TPTE2: variants seen among roughly 807,000 people sequenced by gnomAD.
TPTE2 encodes the protein transmembrane phosphoinositide 3-phosphatase and tensin homolog 2, also known as phosphatidylinositol 3,4,5-trisphosphate 3-phosphatase TPTE2.
In TPTE2, 53 loss-of-function variants were observed where a neutral mutation model predicts 78.6. The ratio of observed to expected loss-of-function variants is 0.67; its 90% confidence interval spans 0.54 to 0.85. The LOEUF (loss-of-function observed/expected upper bound fraction) is 0.85. Among genes scored for constraint, TPTE2 ranks in the 40% least tolerant of loss-of-function variants. The probability of loss-of-function intolerance (pLI) is 0.00; values close to 1 mark genes in which losing one functional copy is unlikely to be tolerated. For synonymous variants in TPTE2, 175 were observed against 206.2 expected, an observed-to-expected ratio of 0.85 and a Z score of 1.30; for missense variants, 461 against 623.0, an observed-to-expected ratio of 0.74 and a Z score of 2.77.
At position 19,498,836 on chromosome 13, in the gene TPTE2, C is replaced by T. The variant is rs367952068; in HGVS notation, c.11+4388G>A. 2.0e-4 allele frequency among the ~76,000 whole-genome samples: 30 copies of T among 152,000 alleles called. No individual in the cohort carries two copies. The East Asian group carries it at 4.6e-3, about 24-fold the overall frequency. On this transcript the variant is annotated intron_variant, in intron 1 of 19. Coordinates refer to ENST00000400230, the Ensembl canonical transcript of TPTE2. ...ATGTAAATGGACTAAATGCTCCAATCAAAAGACACAGACTGGCAAATTGGA... is the reference window on the plus strand; with the variant it reads ...ATGTAAATGGACTAAATGCTCCAATTAAAAGACACAGACTGGCAAATTGGA...
In TPTE2 at chr13:19,482,554, C is replaced by A. The variant is rs184228433; in HGVS notation, c.120-7G>T. 426 of 1,609,440 alleles carry A rather than the reference C, an allele frequency of 2.6e-4. 3 individuals are homozygous for A. The African/African-American group carries it at 5.4e-3, about 20-fold the overall frequency. Reference sequence around the variant, plus strand: ...GGAAAGTCGTTCTAACATACTTTAGCCACCAAAAAAAAATGCAAAAATATA... The same window carrying A: ...GGAAAGTCGTTCTAACATACTTTAGACACCAAAAAAAAATGCAAAAATATA... On this transcript the variant is annotated splice_region_variant and splice_polypyrimidine_tract_variant and intron_variant, in intron 3 of 19. Coordinates refer to ENST00000400230, the Ensembl canonical transcript of TPTE2.
At chr13:19,453,861 G>A (rs1878361388) in intron 10 of TPTE2, among the ~76,000 whole-genome samples, 1 of 152,090 alleles carries the variant, frequency 6.6e-6, no homozygotes, top group Non-Finnish European at 1.5e-5. Flanking sequence ...CTCAGCCTTT[G>A]CATGGCTTAC....
chr13:19,543,165 G>A, the TPTE2 span, among the ~76,000 whole-genome samples: 3 of 151,320 alleles, frequency 2.0e-5, no homozygotes, highest in East Asian at 1.9e-4. Context: ...TCCAGCGATC[G>A]TCCCACTTCC....
chr13:19,448,838 A>G (rs1878000072), intron 13 of TPTE2, among the ~76,000 whole-genome samples: 1 of 152,234 alleles, frequency 6.6e-6, no homozygotes, highest in African/African-American at 2.4e-5. Context: ...TGAAATCTGC[A>G]CTCCCGTGTT....
At chr13:19,514,581 G>A (rs2137702772) in intron 1 of TPTE2, among the ~76,000 whole-genome samples, 1 of 148,338 alleles carries the variant, frequency 6.7e-6, no homozygotes, top group South Asian at 2.1e-4. Context: ...TACAGCACCA[G>A]TACTTCTGAG....
intron 1 of TPTE2, among the ~76,000 whole-genome samples, chr13:19,511,066 T>C (rs1869401114): frequency 6.6e-6 from 1 of 152,226 alleles, no homozygotes; most frequent in Admixed American, 6.5e-5. Flanking sequence ...CAGTATTCAG[T>C]CAAATTTAAA....
chr13:19,475,195 A>G (rs1222768936), intron 5 of TPTE2, among the ~76,000 whole-genome samples: 1 of 151,476 alleles, frequency 6.6e-6, no homozygotes, highest in Non-Finnish European at 1.5e-5. Context: ...ATATATATGT[A>G]TGTATAGATG....
At chr13:19,482,463 C>G in intron 4 of TPTE2, 25 bp downstream of exon 7, 1 of 1,610,298 alleles carries the variant, frequency 6.2e-7, no homozygotes, top group Non-Finnish European at 8.5e-7. Flanking sequence ...ATGGCTCCCT[C>G]CTTTCAAACT....
chr13:19,559,686 C>G, the TPTE2 span, among the ~76,000 whole-genome samples: 79,502 of 144,392 alleles, frequency 0.55, 21,912 homozygotes, highest in East Asian at 0.88. Flanking sequence ...GCCTGCACCC[C>G]CTTCCCTCCC....
Position 19,450,249 on chromosome 13 carries a change from A to G in TPTE2, c.884+14T>C. 1 of 1,611,122 alleles carries G rather than the reference A, an allele frequency of 6.2e-7. No individual in the cohort carries two copies. Among genetic ancestry groups the G allele is most frequent in the Non-Finnish European group, 8.5e-7 (1 of 1,179,400 alleles). On this transcript the variant is annotated intron_variant, in intron 12 of 19. Transcript: ENST00000400230. ...TTAGCCCTCTTCTGATAGTCAATTT[A>G]GCATAAAACTTACTGTAGAGTGGGG...
intron 14 of TPTE2, among the ~76,000 whole-genome samples, chr13:19,436,542 A>G (rs936393740): frequency 4.6e-5 from 7 of 152,132 alleles, no homozygotes; most frequent in African/African-American, 1.7e-4. Context: ...CCTTCTGAGT[A>G]GCTGGGACTA....
At chr13:19,555,803 C>CTTTTTTTTT in the TPTE2 span, among the ~76,000 whole-genome samples, 12 of 81,056 alleles carry the variant, frequency 1.5e-4, no homozygotes, top group African/African-American at 4.6e-4. Flanking sequence ...CAACAAATTT[C>CTTTTTTTTT]TTTTTTTTTT....
chr13:19,480,622 C>T (rs1880286091), intron 4 of TPTE2, among the ~76,000 whole-genome samples: 1 of 151,916 alleles, frequency 6.6e-6, no homozygotes, highest in Non-Finnish European at 1.5e-5. Flanking sequence ...GAAAAAGGAT[C>T]AATAGATTTA....
the TPTE2 span, among the ~76,000 whole-genome samples, chr13:19,546,864 A>T: frequency 6.6e-6 from 1 of 152,178 alleles, no homozygotes; most frequent in South Asian, 2.1e-4. Flanking sequence ...GATAATAGTT[A>T]AGGAATGTCC....
chr13:19,511,900 G>C (rs983227668), intron 1 of TPTE2, among the ~76,000 whole-genome samples: 5 of 152,002 alleles, frequency 3.3e-5, no homozygotes, highest in African/African-American at 1.2e-4. Context: ...CAGTTAAACT[G>C]ATTCACATAA....
At chr13:19,532,655 T>C (rs920635964) in intron 1 of TPTE2, among the ~76,000 whole-genome samples, 5 of 152,344 alleles carry the variant, frequency 3.3e-5, no homozygotes, top group African/African-American at 1.2e-4. Context: ...TCTGCCTTAG[T>C]ACCCATCACA....
chr13:19,555,985 G>C, the TPTE2 span, among the ~76,000 whole-genome samples: 1 of 151,652 alleles, frequency 6.6e-6, no homozygotes. Flanking sequence ...GCCAATTTTT[G>C]TATTTTTAGT....
intron 1 of TPTE2, among the ~76,000 whole-genome samples, chr13:19,522,555 A>G (rs1870216683): frequency 6.6e-6 from 1 of 151,780 alleles, no homozygotes; most frequent in African/African-American, 2.4e-5. Context: ...GACAGCAAGC[A>G]GGTTTAGTAC....
chr13:19,498,165 C>T (rs1483869150), intron 1 of TPTE2, among the ~76,000 whole-genome samples: 3 of 152,276 alleles, frequency 2.0e-5, no homozygotes, highest in South Asian at 2.1e-4. Flanking sequence ...ACCAAATCTA[C>T]GTCTCATTGG....
Sources: allele counts gnomAD v4.1 joint callset (sites outside exome capture counted in the v4.1 genomes callset), GRCh38; gene constraint gnomAD v4.1.1; transcripts MANE v1.5; gene names NCBI Gene and HGNC (gene_info 2026-07-23, HGNC 2026-07-21).